LRRIQ1: variants seen among roughly 807,000 people sequenced by gnomAD.
LRRIQ1 encodes leucine rich repeats and IQ motif containing 1.
In LRRIQ1, 210 loss-of-function variants were observed where a neutral mutation model predicts 211.9. The ratio of observed to expected loss-of-function variants is 0.99; its 90% confidence interval spans 0.89 to 1.11. The LOEUF is 1.11. Ranked by LOEUF, LRRIQ1 falls within the 50% of genes most tolerant of loss-of-function variation. The pLI is 0.00. For synonymous variants in LRRIQ1, 699 were observed against 650.1 expected (o/e 1.08, Z -1.14); for missense variants, 2,136 against 1,939.5 (o/e 1.10, Z -1.90).
intron 24 of LRRIQ1, among the ~76,000 whole-genome samples, chr12:85,162,361 C>CT (rs1396719681): frequency 6.6e-6 from 1 of 152,022 alleles, no homozygotes; most frequent in Non-Finnish European, 1.5e-5. Context: ...CCATTTCAGT[C>CT]TTTTTTTAAA....
intron 24 of LRRIQ1, among the ~76,000 whole-genome samples, chr12:85,181,811 T>G (rs1035673719): frequency 1.3e-5 from 2 of 152,020 alleles, no homozygotes; most frequent in African/African-American, 2.4e-5. Context: ...TGAGTACTTA[T>G]TCTTGGCAGG....
In LRRIQ1 at chr12:85,038,312, A is replaced by G; in HGVS notation, c.132+4A>G. On this transcript the variant is annotated splice_donor_region_variant and intron_variant, in intron 2 of 26. Transcript: ENST00000393217. ...CCAGAGTGATGATAGTGATACAGTG[A>G]GTATTGCACTTTTGAGCCTTTTAAC... 2.6e-6 allele frequency: 4 copies of G among 1,510,842 alleles called. No individual in the cohort carries two copies. The highest frequency in any genetic ancestry group is 3.6e-6 in the Non-Finnish European group (4 of 1,125,774). 93.6% of individuals were successfully genotyped at this position (1,510,842 alleles called of 1,614,324 possible).
intron 11 of LRRIQ1, among the ~76,000 whole-genome samples, chr12:85,089,894 A>C (rs1022412707): frequency 6.6e-6 from 1 of 152,208 alleles, no homozygotes; most frequent in Non-Finnish European, 1.5e-5. Flanking sequence ...ACTAAAAAGG[A>C]GGCAAGTGCT....
chr12:85,158,679 TA>T (rs1409605408), intron 23 of LRRIQ1, among the ~76,000 whole-genome samples: 3 of 151,986 alleles, frequency 2.0e-5, no homozygotes, highest in African/African-American at 2.4e-5. Flanking sequence ...AACATCTATT[TA>T]ATACCTATTT....
rs762250297 is a variant in LRRIQ1 at position 85,056,723 on chromosome 12, G to A, written c.1930G>A (p.Glu644Lys). 11 of 1,607,672 alleles carry A rather than the reference G, an allele frequency of 6.8e-6. No individual in the cohort carries two copies. The highest frequency in any genetic ancestry group is 6.7e-5 in the African/African-American group (5 of 74,496). Reference sequence around the variant, plus strand: ...TTATTCAAAATCCAAAGAAATTGAGGAGAACCCAAAAGACAATGCTTGGAA... The same window carrying A: ...TTATTCAAAATCCAAAGAAATTGAGAAGAACCCAAAAGACAATGCTTGGAA... The part of the protein sequence containing the change: ...EIYSKSKEIE[E>K]NPKDNAWNSG... The change falls in exon 8 of 27, where the codon GAG (glutamate) becomes AAG (lysine). Residue 644 changes from glutamate (E) to lysine (K), a missense_variant. Glu to Lys is a moderately conservative substitution (Grantham distance 56). Coordinates refer to ENST00000393217, the MANE Select transcript of LRRIQ1 (RefSeq NM_001079910.2).
chr12:85,116,873 A>G (rs557261725), intron 15 of LRRIQ1, among the ~76,000 whole-genome samples: 1 of 150,560 alleles, frequency 6.6e-6, no homozygotes, highest in African/African-American at 2.4e-5. Context: ...CACAAAGGAC[A>G]TGATCTCGTT....
downstream of LRRIQ1, among the ~76,000 whole-genome samples, chr12:85,248,891 A>G (rs907129938): frequency 6.6e-6 from 1 of 151,800 alleles, no homozygotes; most frequent in African/African-American, 2.4e-5. Flanking sequence ...CAGAGGTTCC[A>G]TATACTGAAG....
chr12:85,074,559 A>G (rs1286913212), intron 11 of LRRIQ1, among the ~76,000 whole-genome samples: 2 of 151,780 alleles, frequency 1.3e-5, no homozygotes, highest in African/African-American at 4.8e-5. Context: ...TTTTTTATAT[A>G]TATATACATT....
At chr12:85,077,930 G>T (rs985944973) in intron 11 of LRRIQ1, among the ~76,000 whole-genome samples, 8 of 151,332 alleles carry the variant, frequency 5.3e-5, no homozygotes, top group Non-Finnish European at 7.4e-5. Flanking sequence ...CAAGGCTGTA[G>T]TAAGCCGAGA....
At chr12:85,239,819 A>G (rs1355304035) in intron 26 of LRRIQ1, among the ~76,000 whole-genome samples, 1 of 151,926 alleles carries the variant, frequency 6.6e-6, no homozygotes, top group Non-Finnish European at 1.5e-5. Context: ...CTCTATCAAA[A>G]ATACAAAAAT....
chr12:85,224,275 G>A (rs894759373), intron 24 of LRRIQ1, among the ~76,000 whole-genome samples: 2 of 152,058 alleles, frequency 1.3e-5, no homozygotes, highest in Admixed American at 6.6e-5. Context: ...TGGAGAAATA[G>A]GAACACTTTT....
At chr12:85,102,944 CAAAAA>C (rs761217598) in intron 13 of LRRIQ1, among the ~76,000 whole-genome samples, 9 of 87,722 alleles carry the variant, frequency 1.0e-4, no homozygotes, top group African/African-American at 3.6e-4. Flanking sequence ...CTAATTGTGG[CAAAAA>C]AAAAAAAAAA....
intron 11 of LRRIQ1, among the ~76,000 whole-genome samples, chr12:85,082,343 G>A (rs1466663691): frequency 4.0e-5 from 6 of 151,876 alleles, no homozygotes; most frequent in East Asian, 1.9e-4. Flanking sequence ...TTGTCTTTGC[G>A]GTTATGCACC....
At chr12:85,264,715 G>A (rs1474173201), downstream of LRRIQ1, among the ~76,000 whole-genome samples, 1 of 151,990 alleles carries the variant, frequency 6.6e-6, no homozygotes, top group African/African-American at 2.4e-5. Flanking sequence ...GATTCAGGGA[G>A]GTAAAAATAT....
At chr12:85,198,507 C>G (rs74455916) in intron 24 of LRRIQ1, among the ~76,000 whole-genome samples, 36,259 of 151,612 alleles carry the variant, frequency 0.24, 4,921 homozygotes, top group African/African-American at 0.34. Flanking sequence ...GCCATTCCTA[C>G]TGGTGTGAGA....
At chr12:85,257,606 A>C (rs770709567) in intron 1 of LRRIQ1, among the ~76,000 whole-genome samples, 112 of 151,904 alleles carry the variant, frequency 7.4e-4, no homozygotes, top group Non-Finnish European at 1.2e-3. Flanking sequence ...TAACTATTTC[A>C]GTGGGAAACC....
At chr12:85,052,304 C>A (rs946270951) in intron 7 of LRRIQ1, 53 bp downstream of exon 7, 3 of 898,998 alleles carry the variant, frequency 3.3e-6, no homozygotes, top group African/African-American at 3.5e-5. Context: ...ATTTGAAATA[C>A]ATTACTATGC....
intron 1 of LRRIQ1, among the ~76,000 whole-genome samples, chr12:85,250,924 A>AATATATT (rs1895913147): frequency 2.5e-5 from 2 of 79,662 alleles, no homozygotes; most frequent in African/African-American, 1.0e-4. Context: ...TATTTTATAT[A>AATATATT]TTATATATTA....
intron 12 of LRRIQ1, 102 bp downstream of exon 12, chr12:85,098,650 T>A: frequency 1.0e-6 from 1 of 991,874 alleles, no homozygotes; most frequent in Non-Finnish European, 1.5e-6. Context: ...ATTATTTTGT[T>A]CATTTTTCAC....
Sources: gnomAD v4.1 joint callset for allele counts (sites outside exome capture counted in the v4.1 genomes callset) on GRCh38, gnomAD v4.1.1 for gene constraint, MANE v1.5 for transcripts, NCBI Gene and HGNC (gene_info 2026-07-23, HGNC 2026-07-21) for gene names.